The following METTL25 variants were observed in gnomAD, a reference collection of about 807,000 sequenced individuals.
METTL25 encodes probable methyltransferase-like protein 25.
METTL25 carries 64 observed loss-of-function variants against 71.6 expected under a neutral mutation model. That is an observed-to-expected ratio of 0.89 (90% CI 0.73 to 1.10). The LOEUF (loss-of-function observed/expected upper bound fraction) is 1.10, where lower values mean the gene tolerates loss of function less well. Ranked by LOEUF, METTL25 falls within the 50% of genes least tolerant of loss-of-function variation. METTL25 has a pLI of 0.00. For missense variants in METTL25, 807 were observed against 707.0 expected (o/e 1.14, Z -1.60); for synonymous variants, 287 against 250.3 (o/e 1.15, Z -1.38).
At chr12:82,438,931 C>A in intron 8 of METTL25, 140 bp downstream of exon 8, 1 of 572,530 alleles carries the variant, frequency 1.7e-6, no homozygotes, top group Non-Finnish European at 2.6e-6. Flanking sequence ...ATAACAAGTA[C>A]ACAACAACTG....
chr12:82,428,377 G>A (rs1220956913), intron 5 of METTL25, among the ~76,000 whole-genome samples: 1 of 151,380 alleles, frequency 6.6e-6, no homozygotes, highest in Non-Finnish European at 1.5e-5. Context: ...GAATAAAATA[G>A]CACACCCCTG....
chr12:82,382,362 C>T (rs971410679), intron 1 of METTL25, among the ~76,000 whole-genome samples: 31 of 152,110 alleles, frequency 2.0e-4, no homozygotes, highest in African/African-American at 7.5e-4. Context: ...TACATAATTG[C>T]GTTTTACTTT....
At chr12:82,390,878 G>A (rs763869347) in intron 3 of METTL25, among the ~76,000 whole-genome samples, 12 of 152,082 alleles carry the variant, frequency 7.9e-5, no homozygotes, top group Non-Finnish European at 1.6e-4. Flanking sequence ...AAATCTTGGG[G>A]AGCGAGTGCT....
At chr12:82,441,733 C>T (rs1890348081) in intron 8 of METTL25, among the ~76,000 whole-genome samples, 1 of 149,664 alleles carries the variant, frequency 6.7e-6, no homozygotes, top group Non-Finnish European at 1.5e-5. Flanking sequence ...AACTGAAAGA[C>T]CAGGAAGCGG....
intron 9 of METTL25, chr12:82,459,822 A>G (rs11831211): frequency 2.6e-5 from 4 of 152,202 alleles, no homozygotes; most frequent in African/African-American, 9.7e-5. Context: ...GCAAAATGAA[A>G]TCATACCTAA....
At chr12:82,451,588 C>T (rs1376620082) in intron 8 of METTL25, among the ~76,000 whole-genome samples, 2 of 152,108 alleles carry the variant, frequency 1.3e-5, no homozygotes, top group East Asian at 3.9e-4. Context: ...ACCATGCTTA[C>T]TTGTTCATAC....
chr12:82,364,231 G>T (rs1436311579), intron 1 of METTL25, among the ~76,000 whole-genome samples: 2 of 152,150 alleles, frequency 1.3e-5, no homozygotes, highest in African/African-American at 4.8e-5. Flanking sequence ...CTTGATTGAG[G>T]CTGAAATATT....
intron 5 of METTL25, among the ~76,000 whole-genome samples, chr12:82,415,699 CTT>C (rs1565844957): frequency 6.6e-6 from 1 of 152,118 alleles, no homozygotes; most frequent in Admixed American, 6.6e-5. Flanking sequence ...CTTTCTCTAA[CTT>C]TTTGTCCTAC....
At chr12:82,397,282 A>G (rs1368818740) in intron 3 of METTL25, among the ~76,000 whole-genome samples, 3 of 151,940 alleles carry the variant, frequency 2.0e-5, no homozygotes, top group Non-Finnish European at 2.9e-5. Flanking sequence ...TGTATATCTT[A>G]TTTTGGGAAG....
At chr12:82,393,309 A>G (rs78485960) in intron 3 of METTL25, among the ~76,000 whole-genome samples, 227 of 152,110 alleles carry the variant, frequency 1.5e-3, no homozygotes, top group African/African-American at 5.2e-3. Flanking sequence ...TTATTTCATC[A>G]ATGTTTTGTA....
chr12:82,387,008 C>G (rs750263577), intron 2 of METTL25, 41 bp downstream of exon 2: 1 of 1,508,990 alleles, frequency 6.6e-7, no homozygotes, highest in South Asian at 1.2e-5. Context: ...TTTTTAGGTA[C>G]TTAGAAGCAA....
chr12:82,476,041 T>C (rs1892860040), intron 9 of METTL25, among the ~76,000 whole-genome samples: 1 of 152,074 alleles, frequency 6.6e-6, no homozygotes, highest in Admixed American at 6.6e-5. Context: ...TAGAAATAAA[T>C]ACAATTGACT....
At chr12:82,361,747 T>G (rs1881949621) in intron 1 of METTL25, among the ~76,000 whole-genome samples, 1 of 152,144 alleles carries the variant, frequency 6.6e-6, no homozygotes, top group Non-Finnish European at 1.5e-5. Context: ...CACCCGGAAC[T>G]CGCGCTGGCC....
chr12:82,395,563 C>T (rs1388421020), intron 3 of METTL25, among the ~76,000 whole-genome samples: 10 of 152,012 alleles, frequency 6.6e-5, no homozygotes, highest in African/African-American at 2.4e-4. Context: ...GAGTCATTAG[C>T]TTGGAATGGT....
chr12:82,366,657 C>T (rs368021736), intron 1 of METTL25, among the ~76,000 whole-genome samples: 27 of 151,056 alleles, frequency 1.8e-4, no homozygotes, highest in African/African-American at 5.3e-4. Flanking sequence ...GGTAGTAATT[C>T]GAATGCATTG....
rs1446951740 is a variant in METTL25 at position 82,477,471 on chromosome 12, A to G, written c.1719+119A>G. ...AACTAGTAAGAAAATTTTTCTCATT[A>G]TATTTTCATAGTTTAAATGTTCATT... On this transcript the variant is annotated intron_variant, in intron 11 of 11. Coordinates refer to ENST00000248306, the MANE Select transcript of METTL25 (RefSeq NM_032230.3). The G allele has an allele frequency of 8.5e-6, 4 of 469,842 alleles. No homozygotes were observed. The East Asian group carries it at 1.3e-4, about 16-fold the overall frequency. 29.1% of individuals were successfully genotyped at this position (469,842 alleles called of 1,614,324 possible).
intron 5 of METTL25, among the ~76,000 whole-genome samples, chr12:82,421,814 C>T (rs140081014): frequency 3.9e-5 from 6 of 152,108 alleles, no homozygotes; most frequent in African/African-American, 1.2e-4. Flanking sequence ...GGATAAATTC[C>T]TTGACACATA....
chr12:82,360,535 TTAAG>T (rs1223592157), intron 1 of METTL25, among the ~76,000 whole-genome samples: 1 of 151,656 alleles, frequency 6.6e-6, no homozygotes, highest in Non-Finnish European at 1.5e-5. Flanking sequence ...GTTTGCATTT[TTAAG>T]TAAGTTGTCC....
chr12:82,358,888 A>T, intron 1 of METTL25, 64 bp downstream of exon 1: 3 of 1,535,476 alleles, frequency 2.0e-6, no homozygotes, highest in Non-Finnish European at 1.8e-6. Context: ...AGACGAAGCG[A>T]GCCCCCTGGT....
Sources: allele counts gnomAD v4.1 joint callset (sites outside exome capture counted in the v4.1 genomes callset), GRCh38; gene constraint gnomAD v4.1.1; transcripts MANE v1.5; gene names NCBI Gene and HGNC (gene_info 2026-07-23, HGNC 2026-07-21).